Variants in SCRG1 observed in about 807,000 individuals in gnomAD.
The protein encoded by SCRG1 is scrapie-responsive protein 1.
Under a neutral mutation model 7.7 loss-of-function variants are expected in SCRG1, and 3 were observed. That is an observed-to-expected ratio of 0.39 (90% confidence interval 0.18 to 1.01). The LOEUF (loss-of-function observed/expected upper bound fraction) is 1.01. Among genes scored for constraint, SCRG1 ranks in the 50% least tolerant of loss-of-function variants. SCRG1 has a pLI of 0.36. For synonymous variants in SCRG1, 46 were observed against 41.2 expected (o/e 1.12, Z -0.44); for missense variants, 110 against 117.2 (o/e 0.94, Z 0.28).
the SCRG1 span, among the ~76,000 whole-genome samples, chr4:173,442,642 G>T: frequency 6.6e-6 from 1 of 152,192 alleles, no homozygotes; most frequent in Non-Finnish European, 1.5e-5. Flanking sequence ...TGAGTAATTT[G>T]TAAAGAACAG....
the SCRG1 span, chr4:173,419,925 T>A: frequency 2.5e-6 from 2 of 790,062 alleles, no homozygotes; most frequent in Non-Finnish European, 4.4e-6. Context: ...CCATATTTTG[T>A]GCAGACTATC....
chr4:173,415,804 A>G, the SCRG1 span, among the ~76,000 whole-genome samples: 1 of 152,220 alleles, frequency 6.6e-6, no homozygotes, highest in Non-Finnish European at 1.5e-5. Flanking sequence ...AGGTTTCAGG[A>G]TTTAAACCAG....
chr4:173,419,871 C>T, the SCRG1 span: 4 of 1,061,130 alleles, frequency 3.8e-6, no homozygotes, highest in East Asian at 7.1e-5. Flanking sequence ...AGCAGCAGGC[C>T]AGTACAATAC....
chr4:173,419,952 G>A, the SCRG1 span: 8 of 724,672 alleles, frequency 1.1e-5, no homozygotes, highest in East Asian at 2.6e-5. Context: ...CCCTCTATAC[G>A]GGCATAAGCA....
At chr4:173,425,246 G>A in the SCRG1 span, among the ~76,000 whole-genome samples, 74 of 152,274 alleles carry the variant, frequency 4.9e-4, no homozygotes, top group African/African-American at 1.4e-3. Context: ...CATGACCACC[G>A]TTTTGCCTTT....
the SCRG1 span, among the ~76,000 whole-genome samples, chr4:173,436,311 T>C: frequency 6.6e-6 from 1 of 152,160 alleles, no homozygotes; most frequent in Non-Finnish European, 1.5e-5. Flanking sequence ...TGCTCTTGCT[T>C]TACCCTCTTT....
chr4:173,407,293 G>A (rs548281044), upstream of SCRG1, among the ~76,000 whole-genome samples: 3 of 151,850 alleles, frequency 2.0e-5, no homozygotes, highest in Admixed American at 2.0e-4. Flanking sequence ...GAGGTGGGCA[G>A]GTCACCTGAG....
the SCRG1 span, among the ~76,000 whole-genome samples, chr4:173,464,666 G>A: frequency 6.6e-6 from 1 of 152,166 alleles, no homozygotes; most frequent in Non-Finnish European, 1.5e-5. Context: ...CACAGCTGCT[G>A]TGAAAGACAG....
the SCRG1 span, among the ~76,000 whole-genome samples, chr4:173,425,364 G>A: frequency 1.3e-5 from 2 of 152,212 alleles, no homozygotes; most frequent in African/African-American, 4.8e-5. Flanking sequence ...AAAGATCACT[G>A]TATGCTTTTC....
At chr4:173,451,634 T>TTTTATTTA in the SCRG1 span, among the ~76,000 whole-genome samples, 143 of 21,212 alleles carry the variant, frequency 6.7e-3, no homozygotes, top group African/African-American at 8.7e-3. Flanking sequence ...TACTTACTTA[T>TTTTATTTA]TTTATTTATT....
At chr4:173,491,230 T>C in the SCRG1 span, among the ~76,000 whole-genome samples, 1 of 151,570 alleles carries the variant, frequency 6.6e-6, no homozygotes, top group African/African-American at 2.4e-5. Flanking sequence ...TTTTTTTTTT[T>C]TTAACAGTTT....
the SCRG1 span, among the ~76,000 whole-genome samples, chr4:173,508,285 G>A: frequency 6.6e-6 from 1 of 152,226 alleles, no homozygotes; most frequent in African/African-American, 2.4e-5. The surrounding 1 kb of genome is among the most constrained non-coding windows in gnomAD (Gnocchi z 4.4). Flanking sequence ...TCAACCCACT[G>A]GGAAGAGATG....
At chr4:173,448,718 C>T in the SCRG1 span, among the ~76,000 whole-genome samples, 1 of 152,152 alleles carries the variant, frequency 6.6e-6, no homozygotes, top group Admixed American at 6.6e-5. Context: ...ACTTAACTCT[C>T]TTAATTGGAT....
the SCRG1 span, among the ~76,000 whole-genome samples, chr4:173,483,106 A>G: frequency 1.5e-4 from 18 of 116,742 alleles, no homozygotes; most frequent in South Asian, 2.2e-3. Flanking sequence ...CCTATATATT[A>G]CATATATTTT....
the SCRG1 span, among the ~76,000 whole-genome samples, chr4:173,508,585 G>A: frequency 5.9e-5 from 9 of 152,198 alleles, no homozygotes; most frequent in African/African-American, 2.2e-4. This position sits in a 1 kb window ranked among gnomAD's most constrained non-coding sequence, Gnocchi z 4.4. Flanking sequence ...AGCCACCGCG[G>A]TAGGTGGGTG....
In SCRG1 at chr4:173,385,237, G is replaced by A. The variant is rs1396778312; in HGVS notation, c.*3104C>T. The A allele has an allele frequency of 6.6e-6, 1 of 152,162 alleles. No individual in the cohort carries two copies. The highest frequency in any genetic ancestry group is 1.5e-5 in the Non-Finnish European group (1 of 68,040). The allele number at this position is 152,162 out of a possible 1,614,324, so 9.4% of individuals were successfully genotyped here. Reference sequence around the variant, plus strand: ...TAATCCTAACACTTTGGGAGGCCAAGGCAGGCAGATCATTTGAGGCCAGGA... The same window carrying A: ...TAATCCTAACACTTTGGGAGGCCAAAGCAGGCAGATCATTTGAGGCCAGGA... On this transcript the variant is annotated 3_prime_UTR_variant, in exon 3 of 3. Transcript: ENST00000296506.
the SCRG1 span, among the ~76,000 whole-genome samples, chr4:173,514,598 A>T: frequency 6.6e-6 from 1 of 152,242 alleles, no homozygotes; most frequent in Non-Finnish European, 1.5e-5. Flanking sequence ...ACTCAGAAAC[A>T]AAGGGATCAA....
intron 2 of SCRG1, among the ~76,000 whole-genome samples, chr4:173,390,472 GTT>G (rs1157046793): frequency 1.7e-5 from 2 of 115,448 alleles, no homozygotes; most frequent in Non-Finnish European, 3.7e-5. Flanking sequence ...GTTGTTGTTC[GTT>G]TTTTTTTTTT....
chr4:173,517,274 C>G, the SCRG1 span, among the ~76,000 whole-genome samples: 1 of 152,144 alleles, frequency 6.6e-6, no homozygotes, highest in Non-Finnish European at 1.5e-5. Flanking sequence ...CAGGCCCGTG[C>G]ACAGGAACCT....
Sources: allele counts gnomAD v4.1 joint callset (sites outside exome capture counted in the v4.1 genomes callset), GRCh38; gene constraint gnomAD v4.1.1; non-coding constraint Gnocchi (gnomAD v3.1); transcripts MANE v1.5; gene names NCBI Gene and HGNC (gene_info 2026-07-23, HGNC 2026-07-21).